Variants in MLLT10 observed in about 807,000 individuals in gnomAD.
MLLT10 encodes protein AF-10.
MLLT10 carries 30 observed loss-of-function variants against 129.1 expected under a neutral mutation model. That is an observed-to-expected ratio of 0.23 (90% CI 0.17 to 0.32). The LOEUF is 0.32. Among genes scored for constraint, MLLT10 ranks in the 10% least tolerant of loss-of-function variants. The probability of loss-of-function intolerance (pLI) is 1.00; values close to 1 mark genes in which losing one functional copy is unlikely to be tolerated. For synonymous variants in MLLT10, 490 were observed against 446.4 expected (o/e 1.10, Z -1.23); for missense variants, 1,119 against 1,268.3 (o/e 0.88, Z 1.79).
In MLLT10 at chr10:21,741,990, A is replaced by C. The variant is rs771687809; in HGVS notation, c.*7A>C. Reference sequence around the variant, plus strand: ...AGCTCAAGAGAAAAGTTGACACCTGAGAAACATCTAGAAATTGCCTATCCT... The same window carrying C: ...AGCTCAAGAGAAAAGTTGACACCTGCGAAACATCTAGAAATTGCCTATCCT... On this transcript the variant is annotated 3_prime_UTR_variant, in exon 23 of 23. Coordinates refer to ENST00000307729, the MANE Select transcript of MLLT10 (RefSeq NM_001195626.3). The C allele has an allele frequency of 1.9e-6, 3 of 1,612,066 alleles. No individual in the cohort carries two copies. The South Asian group carries it at 3.3e-5, about 18-fold the overall frequency.
At chr10:21,695,236 G>A (rs563204840) in intron 13 of MLLT10, among the ~76,000 whole-genome samples, 4 of 151,798 alleles carry the variant, frequency 2.6e-5, no homozygotes, top group Admixed American at 1.3e-4. Flanking sequence ...CAGGCGTTTC[G>A]CCCTGTTGGC....
In MLLT10 at chr10:21,742,892, A is replaced by G. The variant is rs969363513; in HGVS notation, c.*909A>G. 2.2e-5 allele frequency: 5 copies of G among 228,814 alleles called. No homozygotes were observed. The highest frequency in any genetic ancestry group is 8.9e-5 in the African/African-American group (4 of 45,156). The allele number at this position is 228,814 out of a possible 1,614,324, so 14.2% of individuals were successfully genotyped here. On this transcript the variant is annotated 3_prime_UTR_variant, in exon 23 of 23. Coordinates refer to ENST00000307729, the MANE Select transcript of MLLT10 (RefSeq NM_001195626.3). ...CCTTCCCATGCTTCCGCCTTTATTC[A>G]GAACTTTCTGTGCCACTGTAGATAG... is the stretch of plus-strand genomic sequence containing the variant.
intron 13 of MLLT10, among the ~76,000 whole-genome samples, chr10:21,706,718 C>T (rs961400550): frequency 6.6e-6 from 1 of 152,166 alleles, no homozygotes; most frequent in Middle Eastern, 3.2e-3. Flanking sequence ...TGTCATTAGA[C>T]AGGTATACTT....
intron 6 of MLLT10, among the ~76,000 whole-genome samples, chr10:21,613,316 A>G (rs572939930): frequency 6.4e-4 from 97 of 152,260 alleles, no homozygotes; most frequent in Admixed American, 1.2e-3. Context: ...TTTGGGAATA[A>G]TCTGTGCACT....
intron 13 of MLLT10, among the ~76,000 whole-genome samples, chr10:21,688,073 C>T (rs1024274993): frequency 1.3e-5 from 2 of 152,006 alleles, no homozygotes; most frequent in Admixed American, 6.6e-5. Context: ...TGGTGAGTCC[C>T]CCACTGGGGA....
At chr10:21,672,144 CACTA>C (rs1303434510) in intron 10 of MLLT10, among the ~76,000 whole-genome samples, 1 of 150,410 alleles carries the variant, frequency 6.6e-6, no homozygotes, top group Non-Finnish European at 1.5e-5. Context: ...CAGGTTAACA[CACTA>C]ACCTGTTTTC....
rs558356067 is a variant in MLLT10, at chr10:21,571,044, G to A, written c.241-15250G>A. ...TTTCATGTTTTCTTTGACTGGACCAGGGCTGTGTTTAGGGTTAATTTTTTC... is the reference window on the plus strand; with the variant it reads ...TTTCATGTTTTCTTTGACTGGACCAAGGCTGTGTTTAGGGTTAATTTTTTC... On this transcript the variant is annotated intron_variant, in intron 3 of 22. Coordinates refer to ENST00000307729, the MANE Select transcript of MLLT10 (RefSeq NM_001195626.3). Among the ~76,000 whole-genome samples the A allele has an allele frequency of 3.3e-5, 5 of 152,234 alleles. No homozygotes were observed. The South Asian group carries it at 1.0e-3, about 32-fold the overall frequency.
At chr10:21,557,976 G>T (rs1329397417) in intron 3 of MLLT10, among the ~76,000 whole-genome samples, 2 of 122,242 alleles carry the variant, frequency 1.6e-5, no homozygotes, top group Non-Finnish European at 3.3e-5. Context: ...TGGAGACAGA[G>T]TCTCGCTCTT....
At chr10:21,624,855 C>A in intron 8 of MLLT10, 1 of 1,105,464 alleles carries the variant, frequency 9.0e-7, no homozygotes, top group Admixed American at 2.0e-5. Flanking sequence ...TGCAGGACCC[C>A]CTCTGCCACC....
intron 4 of MLLT10, among the ~76,000 whole-genome samples, chr10:21,588,611 A>C (rs1407807818): frequency 6.6e-6 from 1 of 152,072 alleles, no homozygotes; most frequent in African/African-American, 2.4e-5. Context: ...TTTGCCCTGT[A>C]GTTTTACCAA....
In MLLT10 at chr10:21,673,743, A is replaced by C; in HGVS notation, c.1445A>C (p.Lys482Thr). ...KQSKHGPGRP[K>T]GNKNQENVSH... ...AGTAAGCATGGGCCTGGCAGACCCA[A>C]AGGAAACAAAAATCAAGAGAATGTT... is the stretch of plus-strand genomic sequence containing the variant. Residue 482 changes from lysine to threonine, a missense_variant, in exon 11 of 23, where the codon AAA becomes ACA. Coordinates refer to ENST00000307729, the MANE Select transcript of MLLT10 (RefSeq NM_001195626.3). 1 of 1,614,190 alleles carries C rather than the reference A, an allele frequency of 6.2e-7. No homozygotes were observed. The highest frequency in any genetic ancestry group is 8.5e-7 in the Non-Finnish European group (1 of 1,180,034).
intron 13 of MLLT10, chr10:21,708,703 T>A (rs2055780747): frequency 1.0e-6 from 1 of 985,354 alleles, no homozygotes; most frequent in Non-Finnish European, 1.2e-6. Context: ...AGTTTTGAGA[T>A]TGAAGGTCCT....
At chr10:21,573,758 A>G (rs2040455131) in intron 3 of MLLT10, among the ~76,000 whole-genome samples, 1 of 151,900 alleles carries the variant, frequency 6.6e-6, no homozygotes, top group African/African-American at 2.4e-5. Flanking sequence ...ACAGGGTTTC[A>G]CCATGTTGGC....
intron 2 of MLLT10, 74 bp from the exon 3 acceptor site, chr10:21,538,757 AGG>A: frequency 9.6e-7 from 1 of 1,040,298 alleles, no homozygotes; most frequent in Admixed American, 1.9e-5. Flanking sequence ...GTGGATTAAT[AGG>A]GCTTTGAAAG....
At chr10:21,646,732 T>C (rs977832856) in intron 8 of MLLT10, among the ~76,000 whole-genome samples, 9 of 152,210 alleles carry the variant, frequency 5.9e-5, no homozygotes, top group Non-Finnish European at 1.2e-4. Flanking sequence ...GTGAAGATAA[T>C]ACTTGTAAGT....
chr10:21,615,783 C>T (rs879009519), intron 7 of MLLT10, among the ~76,000 whole-genome samples: 2 of 152,076 alleles, frequency 1.3e-5, no homozygotes, highest in Admixed American at 6.5e-5. Flanking sequence ...GATTTGGTCA[C>T]TATTTGCTGT....
intron 14 of MLLT10, among the ~76,000 whole-genome samples, chr10:21,721,543 C>G (rs955452200): frequency 1.3e-5 from 2 of 152,118 alleles, no homozygotes; most frequent in African/African-American, 4.8e-5. Flanking sequence ...TAAAACATCT[C>G]TGTGGTCATA....
intron 8 of MLLT10, among the ~76,000 whole-genome samples, chr10:21,641,215 A>T (rs910608081): frequency 6.6e-6 from 1 of 152,204 alleles, no homozygotes; most frequent in African/African-American, 2.4e-5. Context: ...GTTAATTTGT[A>T]TGTAATTACA....
chr10:21,645,055 G>T (rs1374459692), intron 8 of MLLT10, among the ~76,000 whole-genome samples: 1 of 152,044 alleles, frequency 6.6e-6, no homozygotes, highest in Non-Finnish European at 1.5e-5. Flanking sequence ...CTACTCTTTA[G>T]GCAGAAAAAG....
Sources: gnomAD v4.1 joint callset for allele counts (sites outside exome capture counted in the v4.1 genomes callset) on GRCh38, gnomAD v4.1.1 for gene constraint, MANE v1.5 for transcripts, NCBI Gene and HGNC (gene_info 2026-07-23, HGNC 2026-07-21) for gene names.